The following TUBAL3 variants were observed in gnomAD, a reference collection of about 807,000 sequenced individuals.
TUBAL3 encodes the protein tubulin alpha like 3, also known as tubulin alpha chain-like 3.
TUBAL3 carries 16 observed loss-of-function variants against 15.5 expected under a neutral mutation model. That is an observed-to-expected ratio of 1.04 (90% CI 0.70 to 1.57). The LOEUF (loss-of-function observed/expected upper bound fraction) is 1.57, where lower values mean the gene tolerates loss of function less well. Among genes scored for constraint, TUBAL3 ranks in the 40% most tolerant of loss-of-function variants. The probability of loss-of-function intolerance (pLI) is 0.00; values close to 1 mark genes in which losing one functional copy is unlikely to be tolerated. For synonymous variants in TUBAL3, 238 were observed against 224.3 expected (o/e 1.06, Z -0.55); for missense variants, 609 against 576.2 (o/e 1.06, Z -0.58).
chr10:5,395,473 C>A lies in TUBAL3; in HGVS notation c.250G>T (p.Gly84Trp). The A allele has an allele frequency of 1.3e-6, 2 of 1,520,718 alleles. No individual in the cohort carries two copies. The highest frequency in any genetic ancestry group is 2.5e-5 in the East Asian group (1 of 40,540). 94.2% of individuals were successfully genotyped at this position (1,520,718 alleles called of 1,614,324 possible). ...GAACGGTGCTGGCCCGTCCGGATCC[C>A]ATCTGCAGAGGGTGAAAGGAGGTCA... ...FVDLEPTVID[G>W]IRTGQHRSLF... Residue 84 changes from glycine (G) to tryptophan (W), a missense_variant and splice_region_variant, in exon 3 of 4, where the codon GGG becomes TGG. Coordinates refer to ENST00000380419, the MANE Select transcript of TUBAL3 (RefSeq NM_024803.3). This position sits in a 1 kb window ranked among gnomAD's most constrained non-coding sequence, Gnocchi z 4.6.
chr10:5,393,403 T>C lies in TUBAL3; in HGVS notation c.*114A>G, dbSNP rs2119135881. ...TTAGTGTGGAACCTAGAGTCTTGCCTGATTTGAGTTCATTTTTCTGCTCAT... is the reference window on the plus strand; with the variant it reads ...TTAGTGTGGAACCTAGAGTCTTGCCCGATTTGAGTTCATTTTTCTGCTCAT... On this transcript the variant is annotated 3_prime_UTR_variant, in exon 4 of 4. Transcript: ENST00000380419. The C allele has an allele frequency of 1.1e-6, 1 of 895,812 alleles. No individual in the cohort carries two copies. The highest frequency in any genetic ancestry group is 1.7e-5 in the African/African-American group (1 of 60,030). 55.5% of individuals were successfully genotyped at this position (895,812 alleles called of 1,614,324 possible).
In TUBAL3 at chr10:5,397,391, TA is replaced by T. The variant is rs1236641196; in HGVS notation, c.248-1917del. Among the ~76,000 whole-genome samples, 1 of 152,198 alleles carries T rather than the reference TA, an allele frequency of 6.6e-6. No individual in the cohort carries two copies. Among genetic ancestry groups the T allele is most frequent in the Non-Finnish European group, 1.5e-5 (1 of 68,038 alleles). ...TATAAACAAGATATAAGTGAAAGTG[TA>T]ATTCTGGGTGGACTATTTCCTTCTT... On this transcript the variant is annotated intron_variant, in intron 2 of 3. Transcript: ENST00000380419. The surrounding 1 kb of genome is among the most constrained non-coding windows in gnomAD (Gnocchi z 4.9).
In TUBAL3 at chr10:5,396,402, G is replaced by A. The variant is rs949861642; in HGVS notation, c.248-927C>T. ...TGGGTGCCTGTAATCCCAGCTACTC[G>A]GGAGACTGAGGCAGGAGAATCACTT... On this transcript the variant is annotated intron_variant, in intron 2 of 3. Transcript: ENST00000380419. The surrounding 1 kb of genome is among the most constrained non-coding windows in gnomAD (Gnocchi z 5.1). Among the ~76,000 whole-genome samples the A allele has an allele frequency of 2.6e-5, 4 of 152,014 alleles. No homozygotes were observed. The highest frequency in any genetic ancestry group is 6.5e-5 in the Admixed American group (1 of 15,274).
Position 5,393,719 on chromosome 10 carries a change from C to A in TUBAL3, c.1139G>T (p.Arg380Leu), listed in dbSNP as rs368080202. The A allele has an allele frequency of 3.1e-6, 5 of 1,614,198 alleles. No individual in the cohort carries two copies. Among genetic ancestry groups the A allele is most frequent in the African/African-American group, 1.3e-5 (1 of 75,040 alleles). Residue 380 changes from arginine (R) to leucine (L), a missense_variant, in exon 4 of 4, where the codon CGG (arginine) becomes CTG (leucine). Transcript: ENST00000380419. ...GGTGTTGCTCAGCATGCAGATGGAC[C>A]GGTGGACTTTGGCCAGGTCCCCACC... The part of the protein sequence containing the change: ...MPGGDLAKVH[R>L]SICMLSNTTA...
Position 5,394,288 on chromosome 10 carries a change from C to T in TUBAL3, c.570G>A (p.Glu190=). Reference sequence around the variant, plus strand: ...GGGTGGTGAGGACAGAGTTATAAGGCTCTACCACAGCAGTGGAGATCCTGG... The same window carrying T: ...GGGTGGTGAGGACAGAGTTATAAGGTTCTACCACAGCAGTGGAGATCCTGG... ...PAPRISTAVV[E]PYNSVLTTHS... is the part of the protein sequence containing the mutation. Residue 190 remains glutamate (E), a synonymous_variant, in exon 4 of 4, where the codon GAG becomes GAA. Coordinates refer to ENST00000380419, the MANE Select transcript of TUBAL3 (RefSeq NM_024803.3). This position sits in a 1 kb window ranked among gnomAD's most constrained non-coding sequence, Gnocchi z 4.3. The T allele has an allele frequency of 6.2e-7, 1 of 1,614,154 alleles. No individual in the cohort carries two copies. The highest frequency in any genetic ancestry group is 8.5e-7 in the Non-Finnish European group (1 of 1,180,034).
chr10:5,403,456 C>G (rs1442519678), intron 1 of TUBAL3, among the ~76,000 whole-genome samples: 1 of 152,016 alleles, frequency 6.6e-6, no homozygotes, highest in Non-Finnish European at 1.5e-5. Context: ...TGGCTACCAC[C>G]CAGTCCTGTG....
At position 5,393,539 on chromosome 10, in the gene TUBAL3, TC is replaced by T; in HGVS notation, c.1318del (p.Glu440ArgfsTer32). 1 of 1,610,374 alleles carries T rather than the reference TC, an allele frequency of 6.2e-7. No homozygotes were observed. Among genetic ancestry groups the T allele is most frequent in the Admixed American group, 1.7e-5 (1 of 59,596 alleles). On this transcript the variant is annotated frameshift_variant, in exon 4 of 4. Transcript: ENST00000380419. LOFTEE classifies it high-confidence loss of function. ...GCCTCAGAAACTTTGCGCCACTTCC[TC>T]ATAGTCCCTCTCCAGGGCTGCCAGA... ...EDLAALERDY[E>X]EVAQSF is the part of the protein sequence containing the mutation.
Position 5,393,645 on chromosome 10 carries a change from T to A in TUBAL3, c.1213A>T (p.Met405Leu), listed in dbSNP as rs782790962. ...WARLDHKFDL[M>L]YAKRAFLHWY... ...TGCAGAAATGCTCTCTTGGCGTACA[T>A]GAGGTCAAACTTGTGGTCCAGGCGG... is the stretch of plus-strand genomic sequence containing the variant. Residue 405 changes from methionine to leucine, a missense_variant, in exon 4 of 4, where the codon ATG becomes TTG. Coordinates refer to ENST00000380419, the MANE Select transcript of TUBAL3 (RefSeq NM_024803.3). 6.2e-7 allele frequency: 1 copy of A among 1,614,152 alleles called. No homozygotes were observed.
rs781926885 is a variant in TUBAL3, at chr10:5,393,764, C to T, written c.1094G>A (p.Arg365Gln). The change falls in exon 4 of 4, where the codon CGG (arginine) becomes CAG (glutamine). Residue 365 changes from arginine (R) to glutamine (Q), a missense_variant. Arg to Gln is a conservative substitution (Grantham distance 43). Coordinates refer to ENST00000380419, the MANE Select transcript of TUBAL3 (RefSeq NM_024803.3). ...CCCACCCGGCATCACCGTGGGCGGC[C>T]GATTGTTGATGCCCACCTTGAAACC... is the stretch of plus-strand genomic sequence containing the variant. The part of the protein sequence containing the change: ...PTGFKVGINN[R>Q]PPTVMPGGDL... 13 of 1,614,090 alleles carry T rather than the reference C, an allele frequency of 8.1e-6. No homozygotes were observed. In the Admixed American group the frequency reaches 1.2e-4, roughly 14 times the overall value.
chr10:5,394,049 G>C lies in TUBAL3; in HGVS notation c.809C>G (p.Pro270Arg). The change falls in exon 4 of 4, where the codon CCG becomes CGG. Residue 270 changes from proline to arginine, a missense_variant. Transcript: ENST00000380419. This position sits in a 1 kb window ranked among gnomAD's most constrained non-coding sequence, Gnocchi z 4.3. ...IEFQTNLVPY[P>R]RIHFPMTAFA... ...GGCTGTCATGGGGAAATGTATTCTC[G>C]GATAAGGTACCAGGTTGGTCTGGAA... 6.2e-7 allele frequency: 1 copy of C among 1,614,140 alleles called. No individual in the cohort carries two copies. The highest frequency in any genetic ancestry group is 8.5e-7 in the Non-Finnish European group (1 of 1,180,018).
At position 5,400,740 on chromosome 10, in the gene TUBAL3, T is replaced by C. The variant is rs1244452796; in HGVS notation, c.247+104A>G. On this transcript the variant is annotated intron_variant, in intron 2 of 3. Coordinates refer to ENST00000380419, the MANE Select transcript of TUBAL3 (RefSeq NM_024803.3). ...AGCCTCTACATTTGGGAAAGGTCCA[T>C]GTGATTCCATTCAGATAGACCTGTA... The C allele has an allele frequency of 2.8e-6, 4 of 1,438,170 alleles. No individual in the cohort carries two copies. In the African/African-American group the frequency reaches 5.6e-5, roughly 20 times the overall value. The allele number at this position is 1,438,170 out of a possible 1,614,324, so 89.1% of individuals were successfully genotyped here.
In TUBAL3 at chr10:5,393,728, T is replaced by A; in HGVS notation, c.1130A>T (p.Lys377Ile). The change falls in exon 4 of 4, where the codon AAA becomes ATA. Residue 377 changes from lysine (K) to isoleucine (I), a missense_variant. Coordinates refer to ENST00000380419, the MANE Select transcript of TUBAL3 (RefSeq NM_024803.3). ...CAGCATGCAGATGGACCGGTGGACT[T>A]TGGCCAGGTCCCCACCCGGCATCAC... Reference protein sequence around the residue: ...PTVMPGGDLAKVHRSICMLSN... With the variant: ...PTVMPGGDLAIVHRSICMLSN... 6.2e-7 allele frequency: 1 copy of A among 1,614,198 alleles called. No individual in the cohort carries two copies. Among genetic ancestry groups the A allele is most frequent in the Non-Finnish European group, 8.5e-7 (1 of 1,180,042 alleles).
At position 5,394,328 on chromosome 10, in the gene TUBAL3, G is replaced by A. The variant is rs782163027; in HGVS notation, c.530C>T (p.Ser177Leu). 55 of 1,614,142 alleles carry A rather than the reference G, an allele frequency of 3.4e-5. No homozygotes were observed. Among genetic ancestry groups the A allele is most frequent in the Non-Finnish European group, 4.2e-5 (49 of 1,180,036 alleles). ...EYSRKTKLEF[S>L]VYPAPRISTA... ...GGAGATCCTGGGGGCTGGGTAGACC[G>A]AGAACTCCAGCTTAGTCTTTCTGCT... Residue 177 changes from serine to leucine, a missense_variant, in exon 4 of 4, where the codon TCG (serine) becomes TTG (leucine). By Grantham distance (145) the Ser-to-Leu change is moderately radical. Transcript: ENST00000380419. This position sits in a 1 kb window ranked among gnomAD's most constrained non-coding sequence, Gnocchi z 4.3.
In TUBAL3 at chr10:5,393,830, T is replaced by C; in HGVS notation, c.1028A>G (p.Lys343Arg). ...KEVNAAIAAT[K>R]SRHSVQFVDW... ...TACAAACTGAACAGAGTGCCTCGACTTCGTGGCTGCGATTGCTGCATTCAC... is the reference window on the plus strand; with the variant it reads ...TACAAACTGAACAGAGTGCCTCGACCTCGTGGCTGCGATTGCTGCATTCAC... Residue 343 changes from lysine to arginine, a missense_variant, in exon 4 of 4, where the codon AAG (lysine) becomes AGG (arginine). By Grantham distance (26) the Lys-to-Arg change is conservative. Transcript: ENST00000380419. The C allele has an allele frequency of 6.2e-7, 1 of 1,614,214 alleles. No homozygotes were observed. The highest frequency in any genetic ancestry group is 8.5e-7 in the Non-Finnish European group (1 of 1,180,038).
In TUBAL3 at chr10:5,394,458, C is replaced by T. The variant is rs1831732686; in HGVS notation, c.400G>A (p.Glu134Lys). The change falls in exon 4 of 4, where the codon GAA becomes AAA. Residue 134 changes from glutamate to lysine, a missense_variant. Physicochemically the swap from Glu to Lys is moderately conservative, Grantham distance 56. Transcript: ENST00000380419. The surrounding 1 kb of genome is among the most constrained non-coding windows in gnomAD (Gnocchi z 4.3). ...AATCCCTGAAGTCCACCACACTGTTCTGCCTGGAGAAAGTAAATGAGATGT... is the reference window on the plus strand; with the variant it reads ...AATCCCTGAAGTCCACCACACTGTTTTGCCTGGAGAAAGTAAATGAGATGT... ...LVLERTRKLA[E>K]QCGGLQGFLI... 1 of 1,592,056 alleles carries T rather than the reference C, an allele frequency of 6.3e-7. No individual in the cohort carries two copies. The highest frequency in any genetic ancestry group is 1.8e-5 in the Admixed American group (1 of 56,384).
chr10:5,395,694 A>G lies in TUBAL3; in HGVS notation c.248-219T>C, dbSNP rs1378391614. On this transcript the variant is annotated intron_variant, in intron 2 of 3. Coordinates refer to ENST00000380419, the MANE Select transcript of TUBAL3 (RefSeq NM_024803.3). The surrounding 1 kb of genome is among the most constrained non-coding windows in gnomAD (Gnocchi z 4.6). The stretch of plus-strand genomic sequence containing the variant: ...TGGAAAGTATGTTTTTCTACCATGC[A>G]CCCCTTATTAGTTTCCTAGTGCTGC... 2.0e-5 allele frequency among the ~76,000 whole-genome samples: 3 copies of G among 152,150 alleles called. No individual in the cohort carries two copies. The highest frequency in any genetic ancestry group is 4.4e-5 in the Non-Finnish European group (3 of 68,012).
rs1481935434 is a variant in TUBAL3 at position 5,400,834 on chromosome 10, T to C, written c.247+10A>G. The C allele has an allele frequency of 1.2e-6, 2 of 1,613,922 alleles. No individual in the cohort carries two copies. Among genetic ancestry groups the C allele is most frequent in the African/African-American group, 1.3e-5 (1 of 74,910 alleles). On this transcript the variant is annotated intron_variant, in intron 2 of 3. Coordinates refer to ENST00000380419, the MANE Select transcript of TUBAL3 (RefSeq NM_024803.3). ...CAGTTAAGTATGCTAGAATGGAACA[T>C]TTATTGTACCTATAACAGTTGGCTC...
In TUBAL3 at chr10:5,395,560, G is replaced by A. The variant is rs1278340296; in HGVS notation, c.248-85C>T. 7.7e-5 allele frequency: 100 copies of A among 1,299,854 alleles called. No homozygotes were observed. Among genetic ancestry groups the A allele is most frequent in the Non-Finnish European group, 9.0e-5 (89 of 993,708 alleles). 80.5% of individuals were successfully genotyped at this position (1,299,854 alleles called of 1,614,324 possible). On this transcript the variant is annotated intron_variant, in intron 2 of 3. Coordinates refer to ENST00000380419, the MANE Select transcript of TUBAL3 (RefSeq NM_024803.3). The surrounding 1 kb of genome is among the most constrained non-coding windows in gnomAD (Gnocchi z 4.6). ...CTGCTAGTCCTCCTGGAGCCTCCCC[G>A]TACTTGACTCCCATGCTTTCTCTCA...
chr10:5,393,473 A>C lies in TUBAL3; in HGVS notation c.*44T>G. The C allele has an allele frequency of 6.6e-7, 1 of 1,513,596 alleles. No homozygotes were observed. Among genetic ancestry groups the C allele is most frequent in the Non-Finnish European group, 8.9e-7 (1 of 1,124,688 alleles). The allele number at this position is 1,513,596 out of a possible 1,614,324, so 93.8% of individuals were successfully genotyped here. A position where few individuals can be genotyped will look rare whatever the true frequency, so the allele number is the denominator to read the frequency against. On this transcript the variant is annotated 3_prime_UTR_variant, in exon 4 of 4. Coordinates refer to ENST00000380419, the MANE Select transcript of TUBAL3 (RefSeq NM_024803.3). ...GCATATAACGGCTTGAAAAGAAAACATGCCATTTTAACTTGACATTCATTT... is the reference window on the plus strand; with the variant it reads ...GCATATAACGGCTTGAAAAGAAAACCTGCCATTTTAACTTGACATTCATTT...
Sources: gnomAD v4.1 joint callset for allele counts (sites outside exome capture counted in the v4.1 genomes callset) on GRCh38, gnomAD v4.1.1 for gene constraint, Gnocchi (gnomAD v3.1) non-coding constraint, MANE v1.5 for transcripts, NCBI Gene and HGNC (gene_info 2026-07-23, HGNC 2026-07-21) for gene names.